The following LUZP2 variants were observed in gnomAD, a reference collection of about 807,000 sequenced individuals.
The protein encoded by LUZP2 is leucine zipper protein 2.
Under a neutral mutation model 51.6 loss-of-function variants are expected in LUZP2, and 52 were observed. The ratio of observed to expected loss-of-function variants is 1.01; its 90% CI spans 0.81 to 1.27. The LOEUF is 1.27. Among genes scored for constraint, LUZP2 ranks in the 50% most tolerant of loss-of-function variants. The pLI, the probability that LUZP2 is intolerant of heterozygous loss-of-function variation, is 0.00. For missense variants in LUZP2, 436 were observed against 395.4 expected (o/e 1.10, Z -0.87); for synonymous variants, 154 against 137.3 (o/e 1.12, Z -0.85).
intron 9 of LUZP2, among the ~76,000 whole-genome samples, chr11:25,043,479 A>G (rs1312271247): frequency 6.6e-6 from 1 of 151,432 alleles, no homozygotes; most frequent in Non-Finnish European, 1.5e-5. Context: ...AATGACAACA[A>G]CAACGAAAGC....
At chr11:24,866,658 C>T (rs1851907354) in intron 5 of LUZP2, among the ~76,000 whole-genome samples, 2 of 152,148 alleles carry the variant, frequency 1.3e-5, no homozygotes, top group African/African-American at 2.4e-5. Flanking sequence ...ACTGCTATCC[C>T]TCTTCAACAT....
chr11:24,879,331 T>C (rs1852379088), intron 5 of LUZP2, among the ~76,000 whole-genome samples: 1 of 152,174 alleles, frequency 6.6e-6, no homozygotes, highest in African/African-American at 2.4e-5. Flanking sequence ...ATTGGCATTT[T>C]AGTTGGTTCC....
intron 1 of LUZP2, among the ~76,000 whole-genome samples, chr11:24,702,235 C>A (rs1020943196): frequency 1.3e-5 from 2 of 152,162 alleles, no homozygotes; most frequent in Non-Finnish European, 2.9e-5. Flanking sequence ...CCAGGAAAAT[C>A]ACTGGAATAA....
intron 9 of LUZP2, among the ~76,000 whole-genome samples, chr11:25,033,340 T>C (rs1478482953): frequency 6.6e-6 from 1 of 152,194 alleles, no homozygotes; most frequent in Non-Finnish European, 1.5e-5. Context: ...GCATGGATTT[T>C]CTTGTACAGT....
At chr11:24,664,992 G>T (rs1856165304) in intron 1 of LUZP2, among the ~76,000 whole-genome samples, 1 of 152,124 alleles carries the variant, frequency 6.6e-6, no homozygotes, top group Non-Finnish European at 1.5e-5. Context: ...ACCCCAGAAT[G>T]GTACATCCAC....
At chr11:24,629,281 G>A (rs943691531) in intron 1 of LUZP2, among the ~76,000 whole-genome samples, 3 of 151,412 alleles carry the variant, frequency 2.0e-5, no homozygotes, top group Admixed American at 1.3e-4. Context: ...CATACTCTAC[G>A]TTCATATGTA....
chr11:24,555,544 T>C (rs1434521648), intron 1 of LUZP2, among the ~76,000 whole-genome samples: 1 of 152,194 alleles, frequency 6.6e-6, no homozygotes, highest in African/African-American at 2.4e-5. Flanking sequence ...GTACCTCCAC[T>C]AACTGTCATG....
intron 7 of LUZP2, among the ~76,000 whole-genome samples, chr11:24,958,025 G>T (rs1197165948): frequency 6.6e-6 from 1 of 152,122 alleles, no homozygotes; most frequent in African/African-American, 2.4e-5. Flanking sequence ...TCTTGCGATA[G>T]TTTACTGAGA....
At chr11:24,624,546 A>G in intron 1 of LUZP2, among the ~76,000 whole-genome samples, 1 of 152,306 alleles carries the variant, frequency 6.6e-6, no homozygotes, top group South Asian at 2.1e-4. Flanking sequence ...CCCTGCAATC[A>G]TTGTAAGGAA....
chr11:24,776,728 A>G (rs1228832649), intron 5 of LUZP2, among the ~76,000 whole-genome samples: 10 of 152,148 alleles, frequency 6.6e-5, no homozygotes, highest in Non-Finnish European at 1.5e-4. Flanking sequence ...ATATTTACTT[A>G]CTACATTCAG....
At chr11:25,040,342 G>GTTTTTTTTTTT (rs1491549909) in intron 9 of LUZP2, among the ~76,000 whole-genome samples, 9 of 34,034 alleles carry the variant, frequency 2.6e-4, no homozygotes, top group African/African-American at 1.4e-3. Context: ...CTTTCTTTCC[G>GTTTTTTTTTTT]ATTTTTTTTT....
intron 1 of LUZP2, among the ~76,000 whole-genome samples, chr11:24,717,955 C>T (rs182750761): frequency 7.9e-4 from 121 of 152,252 alleles, no homozygotes; most frequent in African/African-American, 2.8e-3. Flanking sequence ...TAGTATTCTA[C>T]GGTGTTTTTG....
rs189157233 is a variant in LUZP2 at position 25,005,950 on chromosome 11, G to A, written c.765+22657G>A. 4.8e-3 allele frequency among the ~76,000 whole-genome samples: 726 copies of A among 152,216 alleles called. 7 individuals carry two copies. The highest frequency in any genetic ancestry group is 0.017 in the Middle Eastern group (5 of 294). On this transcript the variant is annotated intron_variant, in intron 9 of 11. Transcript: ENST00000336930. ...GATGTTATGCCCCAAAAATGAAGTG[G>A]AGGGCCAAACCCTGAGTGAGGGGAG...
intron 1 of LUZP2, among the ~76,000 whole-genome samples, chr11:24,641,772 A>G (rs1855292832): frequency 6.6e-6 from 1 of 152,012 alleles, no homozygotes; most frequent in Non-Finnish European, 1.5e-5. Flanking sequence ...GAAGATACAT[A>G]CAAATTGCAG....
intron 9 of LUZP2, among the ~76,000 whole-genome samples, chr11:25,042,246 CTAATATATTTCATT>C (rs144119173): frequency 0.47 from 70,413 of 149,066 alleles, 16,675 homozygotes; most frequent in Non-Finnish European, 0.51. Context: ...AAGAAAAAGA[CTAATATATTTCATT>C]TATTCTGGAA....
intron 10 of LUZP2, among the ~76,000 whole-genome samples, chr11:25,063,797 T>C (rs1237894016): frequency 1.3e-5 from 2 of 151,856 alleles, no homozygotes; most frequent in Non-Finnish European, 3.0e-5. Flanking sequence ...ATGTAATGTG[T>C]ATCAGGAGCT....
At chr11:24,576,385 C>A in intron 1 of LUZP2, among the ~76,000 whole-genome samples, 1 of 133,574 alleles carries the variant, frequency 7.5e-6, no homozygotes, top group Non-Finnish European at 1.5e-5. Context: ...TGCACTCCAG[C>A]CTGGGCAACA....
chr11:25,006,369 C>T (rs935470989), intron 9 of LUZP2, among the ~76,000 whole-genome samples: 4 of 152,242 alleles, frequency 2.6e-5, no homozygotes, highest in African/African-American at 9.6e-5. Context: ...TTTGATAGTT[C>T]TGCTCATGGC....
At chr11:24,796,993 C>T (rs2134107279) in intron 5 of LUZP2, among the ~76,000 whole-genome samples, 2 of 149,966 alleles carry the variant, frequency 1.3e-5, no homozygotes, top group Admixed American at 1.3e-4. Flanking sequence ...CCAGTCAGAA[C>T]ATCTATGTTC....
Sources: gnomAD v4.1 joint callset for allele counts (sites outside exome capture counted in the v4.1 genomes callset) on GRCh38, gnomAD v4.1.1 for gene constraint, MANE v1.5 for transcripts, NCBI Gene and HGNC (gene_info 2026-07-23, HGNC 2026-07-21) for gene names.